Variants in CAMTA1 observed in about 807,000 individuals in gnomAD.
CAMTA1 encodes the protein calmodulin-binding transcription activator 1.
CAMTA1 carries 27 observed loss-of-function variants against 170.9 expected under a neutral mutation model. The observed-to-expected ratio is 0.16, with a 90% CI of 0.12 to 0.22. The LOEUF is 0.22. CAMTA1 is among the 10% of genes least tolerant of loss of function. The pLI, the probability that CAMTA1 is intolerant of heterozygous loss-of-function variation, is 1.00. For synonymous variants in CAMTA1, 833 were observed against 891.5 expected, an observed-to-expected ratio of 0.93 and a Z score of 1.17; for missense variants, 1,619 against 2,217.2, an observed-to-expected ratio of 0.73 and a Z score of 5.42.
chr1:7,223,352 G>A lies in CAMTA1; in HGVS notation c.303-26139G>A, dbSNP rs564150377. Among the ~76,000 whole-genome samples, 75 of 152,206 alleles carry A rather than the reference G, an allele frequency of 4.9e-4. 1 individual carries two copies. Among genetic ancestry groups the A allele is most frequent in the Admixed American group, 2.1e-3 (32 of 15,286 alleles). ...CGTGTGAGTATGTGTATGTGTGATTGTGTGCGTATGTGTGTGAGTGTATGC... is the reference window on the plus strand; with the variant it reads ...CGTGTGAGTATGTGTATGTGTGATTATGTGCGTATGTGTGTGAGTGTATGC... On this transcript the variant is annotated intron_variant, in intron 4 of 22. Transcript: ENST00000303635.
At chr1:7,725,111 G>A (rs1177778909) in intron 11 of CAMTA1, among the ~76,000 whole-genome samples, 2 of 152,194 alleles carry the variant, frequency 1.3e-5, no homozygotes, top group African/African-American at 2.4e-5. Flanking sequence ...GGAGCCGGAC[G>A]GTTGCTATGA....
intron 5 of CAMTA1, among the ~76,000 whole-genome samples, chr1:7,343,774 G>A (rs996883372): frequency 6.6e-6 from 1 of 152,140 alleles, no homozygotes; most frequent in Non-Finnish European, 1.5e-5. Flanking sequence ...TTTTTGAACT[G>A]TATAAAAAAT....
At chr1:7,605,001 G>T (rs1283519191) in intron 6 of CAMTA1, among the ~76,000 whole-genome samples, 1 of 152,278 alleles carries the variant, frequency 6.6e-6, no homozygotes, top group Non-Finnish European at 1.5e-5. Context: ...AGCGGATATT[G>T]GTGAACAGCA....
chr1:6,962,613 C>T (rs528098930), intron 3 of CAMTA1, among the ~76,000 whole-genome samples: 1 of 145,234 alleles, frequency 6.9e-6, no homozygotes, highest in African/African-American at 2.6e-5. Context: ...CCGTTTCACC[C>T]GCCCCGCCCC....
chr1:6,795,314 A>C (rs1227454330), intron 1 of CAMTA1, among the ~76,000 whole-genome samples: 1 of 151,612 alleles, frequency 6.6e-6, no homozygotes, highest in African/African-American at 2.4e-5. Flanking sequence ...CAGCCCCCTG[A>C]GTGACTGGGA....
At chr1:6,935,650 A>G (rs1298428694) in intron 3 of CAMTA1, among the ~76,000 whole-genome samples, 1 of 152,214 alleles carries the variant, frequency 6.6e-6, no homozygotes, top group African/African-American at 2.4e-5. Context: ...ACATCACATC[A>G]GCTCTGGGAT....
chr1:6,802,291 C>G (rs1223854680), intron 1 of CAMTA1, among the ~76,000 whole-genome samples: 5 of 152,200 alleles, frequency 3.3e-5, no homozygotes, highest in Non-Finnish European at 5.9e-5. Flanking sequence ...CAGTACTCAT[C>G]ATCATCTGAC....
At chr1:7,106,290 A>AAGG (rs763326048) in intron 4 of CAMTA1, among the ~76,000 whole-genome samples, 5 of 151,702 alleles carry the variant, frequency 3.3e-5, no homozygotes, top group Admixed American at 1.3e-4. Context: ...GAAGGAGAAG[A>AAGG]AGGAGGAGGA....
intron 6 of CAMTA1, among the ~76,000 whole-genome samples, chr1:7,573,251 C>A (rs1036024357): frequency 2.0e-5 from 3 of 152,186 alleles, no homozygotes; most frequent in African/African-American, 7.2e-5. Context: ...TGCACCTTTG[C>A]AGCTGGGCAC....
At chr1:7,616,343 C>T (rs1403575073) in intron 6 of CAMTA1, among the ~76,000 whole-genome samples, 1 of 152,192 alleles carries the variant, frequency 6.6e-6, no homozygotes, top group Non-Finnish European at 1.5e-5. Flanking sequence ...TTTTTTCATA[C>T]GCTGCTCACT....
intron 6 of CAMTA1, among the ~76,000 whole-genome samples, chr1:7,616,151 G>A (rs895548040): frequency 1.3e-5 from 2 of 152,160 alleles, no homozygotes; most frequent in African/African-American, 4.8e-5. Flanking sequence ...CCTGTTCCTT[G>A]TGCCTCTGAA....
intron 3 of CAMTA1, among the ~76,000 whole-genome samples, chr1:7,069,688 C>T (rs1416561913): frequency 6.6e-6 from 1 of 151,988 alleles, no homozygotes; most frequent in African/African-American, 2.4e-5. Flanking sequence ...GTGCTGTGGC[C>T]TCTGAGAGTG....
rs376506223 is a variant in CAMTA1, at chr1:7,192,395, G to A, written c.303-57096G>A. ...ACTGGCAGCTGCGGAGGGGCAGAGCGGAGGGAACATGTCAGTACTTTATGG... is the reference window on the plus strand; with the variant it reads ...ACTGGCAGCTGCGGAGGGGCAGAGCAGAGGGAACATGTCAGTACTTTATGG... On this transcript the variant is annotated intron_variant, in intron 4 of 22. Transcript: ENST00000303635. Among the ~76,000 whole-genome samples the A allele has an allele frequency of 5.4e-4, 82 of 152,356 alleles. 2 individuals carry two copies. In the South Asian group the frequency reaches 0.015, roughly 28 times the overall value.
At chr1:7,668,423 ACACACACACCCAC>A (rs1328161163) in intron 9 of CAMTA1, among the ~76,000 whole-genome samples, 3 of 141,934 alleles carry the variant, frequency 2.1e-5, no homozygotes, top group African/African-American at 8.8e-5. Context: ...ACACACACAC[ACACACACACCCAC>A]CACACACCCC....
intron 4 of CAMTA1, among the ~76,000 whole-genome samples, chr1:7,239,652 T>C (rs1664513600): frequency 6.7e-6 from 1 of 150,080 alleles, no homozygotes; most frequent in Non-Finnish European, 1.5e-5. Flanking sequence ...TTTTTTTTTT[T>C]TTTTTTTTGC....
Position 7,663,505 on chromosome 1 carries a change from G to T in CAMTA1, c.958G>T (p.Gly320Cys), listed in dbSNP as rs2149154327. 6 of 1,601,042 alleles carry T rather than the reference G, an allele frequency of 3.7e-6. No homozygotes were observed. Among genetic ancestry groups the T allele is most frequent in the Non-Finnish European group, 5.1e-6 (6 of 1,169,992 alleles). The stretch of plus-strand genomic sequence containing the variant: ...CAAGCACGAGCACAGCCACAGCAAG[G>T]GCTCCAGCCGTGAGAAGAGGAACGG... ...EGKHEHSHSK[G>C]SSREKRNGKV... The change falls in exon 9 of 23, where the codon GGC (glycine) becomes TGC (cysteine). Residue 320 changes from glycine (G) to cysteine (C), a missense_variant. By Grantham distance (159) the Gly-to-Cys change is radical. Around this residue, in one of 8 missense-constraint regions of CAMTA1, gnomAD observed 731 missense variants for 907.6 expected, o/e 0.81. Coordinates refer to ENST00000303635, the MANE Select transcript of CAMTA1 (RefSeq NM_015215.4).
chr1:6,954,250 G>C (rs564563988), intron 3 of CAMTA1, among the ~76,000 whole-genome samples: 2 of 152,174 alleles, frequency 1.3e-5, no homozygotes, highest in African/African-American at 4.8e-5. Flanking sequence ...TTGACAGCAC[G>C]TCCAAGGGCC....
At chr1:7,331,300 G>C (rs916944700) in intron 5 of CAMTA1, among the ~76,000 whole-genome samples, 1 of 152,104 alleles carries the variant, frequency 6.6e-6, no homozygotes, top group Admixed American at 6.6e-5. Context: ...AGAGGAGAGC[G>C]AGCCTATGGG....
At chr1:7,619,488 C>T (rs780673367) in intron 6 of CAMTA1, among the ~76,000 whole-genome samples, 1 of 152,110 alleles carries the variant, frequency 6.6e-6, no homozygotes, top group Non-Finnish European at 1.5e-5. Flanking sequence ...AAAACCCTCT[C>T]CTGGAAACCT....
Sources: allele counts gnomAD v4.1 joint callset (sites outside exome capture counted in the v4.1 genomes callset), GRCh38; gene constraint gnomAD v4.1.1; regional missense constraint gnomAD v4.1.1; transcripts MANE v1.5; gene names NCBI Gene and HGNC (gene_info 2026-07-23, HGNC 2026-07-21).